The following IQCE variants were observed in gnomAD, a reference collection of about 807,000 sequenced individuals.
The protein encoded by IQCE is IQ motif containing E.
IQCE carries 115 observed loss-of-function variants against 96.0 expected under a neutral mutation model. The observed-to-expected ratio is 1.20, with a 90% CI of 1.03 to 1.40. The LOEUF (loss-of-function observed/expected upper bound fraction) is 1.40, where lower values mean the gene tolerates loss of function less well. IQCE is among the 40% of genes most tolerant of loss of function. IQCE has a pLI of 0.00. For missense variants in IQCE, 1,041 were observed against 909.1 expected (o/e 1.15, Z -1.87); for synonymous variants, 412 against 371.2 (o/e 1.11, Z -1.26).
At chr7:2,567,803 G>T (rs1374842098) in intron 2 of IQCE, among the ~76,000 whole-genome samples, 1 of 152,240 alleles carries the variant, frequency 6.6e-6, no homozygotes, top group Non-Finnish European at 1.5e-5. Flanking sequence ...TTGCTCTGTG[G>T]ACTCAAGGGG....
intron 21 of IQCE, 91 bp from the exon 22 acceptor site, chr7:2,609,952 GC>G (rs1452344688): frequency 5.5e-6 from 4 of 732,434 alleles, no homozygotes; most frequent in Non-Finnish European, 9.6e-6. Flanking sequence ...CGTCTTGCCT[GC>G]CGGGGAAGAG....
At chr7:2,596,236 G>A (rs1049148498) in intron 16 of IQCE, among the ~76,000 whole-genome samples, 1 of 151,860 alleles carries the variant, frequency 6.6e-6, no homozygotes, top group East Asian at 1.9e-4. Flanking sequence ...TCCATCCCGG[G>A]CCACAGATCC....
chr7:2,560,562 C>A (rs1780870749), intron 1 of IQCE, among the ~76,000 whole-genome samples: 1 of 152,248 alleles, frequency 6.6e-6, no homozygotes, highest in South Asian at 2.1e-4. Flanking sequence ...CCTGTCTACA[C>A]TGGCCTTCAG....
rs375694087 is a variant in IQCE at position 2,586,493 on chromosome 7, A to T, written c.988+122A>T. Reference sequence around the variant, plus strand: ...CGAGGGCAGATGTGAACCCTTGGGCAACGCCAGTTCCCACATGTGCCAGCA... The same window carrying T: ...CGAGGGCAGATGTGAACCCTTGGGCTACGCCAGTTCCCACATGTGCCAGCA... On this transcript the variant is annotated intron_variant, in intron 12 of 21. Coordinates refer to ENST00000402050, the MANE Select transcript of IQCE (RefSeq NM_152558.5). The T allele has an allele frequency of 3.5e-5, 38 of 1,090,348 alleles. No homozygotes were observed. In the East Asian group the frequency reaches 3.6e-4, roughly 10 times the overall value. 67.5% of individuals were successfully genotyped at this position (1,090,348 alleles called of 1,614,324 possible).
intron 2 of IQCE, among the ~76,000 whole-genome samples, chr7:2,568,101 C>T (rs553207403): frequency 2.0e-5 from 3 of 152,268 alleles, no homozygotes; most frequent in South Asian, 2.1e-4. Flanking sequence ...GGCCACGGCA[C>T]GACGGGTTGT....
At position 2,587,937 on chromosome 7, in the gene IQCE, G is replaced by A. The variant is rs376467184; in HGVS notation, c.1044+60G>A. The A allele has an allele frequency of 1.0e-3, 1,490 of 1,480,794 alleles. 19 individuals carry two copies. The African/African-American group carries it at 0.019, about 19-fold the overall frequency. The allele number at this position is 1,480,794 out of a possible 1,614,324, so 91.7% of individuals were successfully genotyped here. On this transcript the variant is annotated intron_variant, in intron 13 of 21. Coordinates refer to ENST00000402050, the MANE Select transcript of IQCE (RefSeq NM_152558.5). ...ACCAGGGGCCTCATGCTGTGGGGACGGGCTCACAGGGTGCGGAAGGTGGCG... is the reference window on the plus strand; with the variant it reads ...ACCAGGGGCCTCATGCTGTGGGGACAGGCTCACAGGGTGCGGAAGGTGGCG...
chr7:2,605,861 G>C lies in IQCE; in HGVS notation c.1744-15G>C, dbSNP rs377082880. 3.2e-6 allele frequency: 5 copies of C among 1,571,688 alleles called. No individual in the cohort carries two copies. Among genetic ancestry groups the C allele is most frequent in the Non-Finnish European group, 4.3e-6 (5 of 1,159,018 alleles). Reference sequence around the variant, plus strand: ...CTGCCAAACAGTCGTCTTCCCTGCTGTCCTTGCACCCCAGAGCTCTCCTGT... The same window carrying C: ...CTGCCAAACAGTCGTCTTCCCTGCTCTCCTTGCACCCCAGAGCTCTCCTGT... On this transcript the variant is annotated splice_polypyrimidine_tract_variant and intron_variant, in intron 19 of 21. Coordinates refer to ENST00000402050, the MANE Select transcript of IQCE (RefSeq NM_152558.5).
intron 3 of IQCE, among the ~76,000 whole-genome samples, chr7:2,570,768 A>C (rs1447461036): frequency 6.6e-6 from 1 of 152,238 alleles, no homozygotes; most frequent in Non-Finnish European, 1.5e-5. Flanking sequence ...TTACTTTCAT[A>C]CAAAATCAAG....
intron 16 of IQCE, among the ~76,000 whole-genome samples, chr7:2,595,524 C>G (rs1002627003): frequency 1.3e-4 from 20 of 152,194 alleles, no homozygotes; most frequent in Non-Finnish European, 2.9e-4. Flanking sequence ...GATGGATGCT[C>G]TCCTGCCTCT....
intron 13 of IQCE, 47 bp downstream of exon 13, chr7:2,587,924 A>G (rs370147162): frequency 1.9e-5 from 30 of 1,564,420 alleles, no homozygotes; most frequent in African/African-American, 2.8e-5. Context: ...CAGGGGCCTC[A>G]TGCTGTGGGG....
chr7:2,587,900 C>T (rs373341452), intron 13 of IQCE, 23 bp downstream of exon 13: 4 of 1,611,908 alleles, frequency 2.5e-6, no homozygotes, highest in Non-Finnish European at 3.4e-6. Context: ...CTCAGTGCCA[C>T]TGTCGTTGGG....
chr7:2,585,185 A>G lies in IQCE; in HGVS notation c.824+900A>G, dbSNP rs140429477. Among the ~76,000 whole-genome samples the G allele has an allele frequency of 9.3e-3, 1,409 of 152,058 alleles. 7 individuals carry two copies. The highest frequency in any genetic ancestry group is 0.018 in the South Asian group (86 of 4,820). ...CAAGTATCTGGGACTGTACAGGCAC[A>G]TGCCACCACACCCAGATAATTTTTG... On this transcript the variant is annotated intron_variant, in intron 11 of 21. Coordinates refer to ENST00000402050, the MANE Select transcript of IQCE (RefSeq NM_152558.5).
intron 6 of IQCE, 56 bp downstream of exon 6, chr7:2,573,544 A>G: frequency 4.1e-6 from 4 of 965,154 alleles, no homozygotes; most frequent in Non-Finnish European, 6.7e-6. Flanking sequence ...TCCTATAACA[A>G]TGTATTAGAA....
chr7:2,589,945 A>G lies in IQCE; in HGVS notation c.1083A>G (p.Ala361=), dbSNP rs749375566. The change falls in exon 14 of 22, where the codon GCA becomes GCG. Residue 361 remains alanine (A), a synonymous_variant. Transcript: ENST00000402050. ...TGGAGAGCTCAAAATCACACGCCGC[A>G]GAGCCAGTCAGATCACACCCGCCAG... ...SVMESSKSHA[A]EPVRSHPPAC... is the part of the protein sequence containing the mutation. 1.9e-6 allele frequency: 3 copies of G among 1,613,824 alleles called. No homozygotes were observed. Among genetic ancestry groups the G allele is most frequent in the Admixed American group, 3.3e-5 (2 of 60,014 alleles).
chr7:2,569,419 C>T lies in IQCE; in HGVS notation c.130+420C>T, dbSNP rs558063146. On this transcript the variant is annotated intron_variant, in intron 3 of 21. Coordinates refer to ENST00000402050, the MANE Select transcript of IQCE (RefSeq NM_152558.5). ...TACTGAGAAGGTGTAGTTGGTGGGA[C>T]GGGTGGCAAGTTCACCTTTTTCCCC... Among the ~76,000 whole-genome samples the T allele has an allele frequency of 3.9e-5, 6 of 152,236 alleles. 1 individual carries two copies. Among genetic ancestry groups the T allele is most frequent in the South Asian group, 4.1e-4 (2 of 4,830 alleles).
intron 11 of IQCE, among the ~76,000 whole-genome samples, chr7:2,585,840 G>A (rs1296771084): frequency 2.0e-5 from 3 of 152,278 alleles, no homozygotes; most frequent in South Asian, 2.1e-4. Context: ...AATGAGGATC[G>A]ACTGTACTTT....
chr7:2,601,425 C>CTTT lies in IQCE; in HGVS notation c.1609-7_1609-5dup, dbSNP rs369981952. Reference sequence around the variant, plus strand: ...GTGTTAATTCATGTATTTTTTCTTTCTTTTTTTTTTTCCAGAAAAAAAAGG... The same window carrying CTTT: ...GTGTTAATTCATGTATTTTTTCTTTCTTTTTTTTTTTTTTCCAGAAAAAAAAGG... On this transcript the variant is annotated splice_polypyrimidine_tract_variant and intron_variant, in intron 17 of 21. Transcript: ENST00000402050. 1.5e-5 allele frequency: 18 copies of CTTT among 1,229,158 alleles called. No individual in the cohort carries two copies. Among genetic ancestry groups the CTTT allele is most frequent in the Non-Finnish European group, 1.9e-5 (17 of 894,068 alleles). The allele number at this position is 1,229,158 out of a possible 1,614,324, so 76.1% of individuals were successfully genotyped here. A position where few individuals can be genotyped will look rare whatever the true frequency, so the allele number is the denominator to read the frequency against.
Position 2,607,020 on chromosome 7 carries a change from T to C in IQCE, c.1866-104T>C. ...GGGACTGGCTCTGTGTTTGCTTTCA[T>C]TGGAATACTTGCCTCCAAGCAAATT... On this transcript the variant is annotated intron_variant, in intron 20 of 21. Coordinates refer to ENST00000402050, the MANE Select transcript of IQCE (RefSeq NM_152558.5). 2.8e-6 allele frequency: 3 copies of C among 1,060,606 alleles called. No individual in the cohort carries two copies. The East Asian group carries it at 7.9e-5, about 28-fold the overall frequency. 65.7% of individuals were successfully genotyped at this position (1,060,606 alleles called of 1,614,324 possible). A position where few individuals can be genotyped will look rare whatever the true frequency, so the allele number is the denominator to read the frequency against.
chr7:2,597,638 T>C (rs1784146090), intron 16 of IQCE, among the ~76,000 whole-genome samples: 1 of 152,212 alleles, frequency 6.6e-6, no homozygotes, highest in South Asian at 2.1e-4. Context: ...GGATGATACA[T>C]TTGGAGTCAT....
Sources: allele counts gnomAD v4.1 joint callset (sites outside exome capture counted in the v4.1 genomes callset), GRCh38; gene constraint gnomAD v4.1.1; transcripts MANE v1.5; gene names NCBI Gene and HGNC (gene_info 2026-07-23, HGNC 2026-07-21).